FAM174A: variants seen among roughly 807,000 people sequenced by gnomAD.
FAM174A encodes the protein membrane protein FAM174A.
In FAM174A, 14 loss-of-function variants were observed where a neutral mutation model predicts 14.3. The observed-to-expected ratio is 0.98, with a 90% CI of 0.65 to 1.53. The LOEUF (loss-of-function observed/expected upper bound fraction) is 1.53, where lower values mean the gene tolerates loss of function less well. Ranked by LOEUF, FAM174A falls within the 40% of genes most tolerant of loss-of-function variation. The probability of loss-of-function intolerance (pLI) is 0.00; values close to 1 mark genes in which losing one functional copy is unlikely to be tolerated. For synonymous variants in FAM174A, 108 were observed against 111.4 expected (o/e 0.97, Z 0.19); for missense variants, 241 against 249.6 (o/e 0.97, Z 0.23).
intron 2 of FAM174A, among the ~76,000 whole-genome samples, chr5:100,569,292 AAT>A (rs1200692439): frequency 6.6e-6 from 1 of 151,842 alleles, no homozygotes; most frequent in Non-Finnish European, 1.5e-5. Flanking sequence ...TTATAATCAC[AAT>A]AGAGTAATAT....
At chr5:100,561,557 G>A (rs1241296608) in intron 1 of FAM174A, among the ~76,000 whole-genome samples, 1 of 151,814 alleles carries the variant, frequency 6.6e-6, no homozygotes, top group Non-Finnish European at 1.5e-5. Flanking sequence ...CCTAAACATG[G>A]GACTTTAAAA....
At chr5:100,560,585 C>T (rs1254693537) in intron 1 of FAM174A, among the ~76,000 whole-genome samples, 1 of 151,968 alleles carries the variant, frequency 6.6e-6, no homozygotes, top group African/African-American at 2.4e-5. Flanking sequence ...TGAGACCAGG[C>T]ACTTTACACC....
chr5:100,561,903 A>T (rs1746530139), intron 1 of FAM174A, 151 bp from the exon 2 acceptor site: 3 of 442,578 alleles, frequency 6.8e-6, no homozygotes, highest in Non-Finnish European at 3.9e-6. Context: ...ATGAAGTTTA[A>T]TCCTAGGTGG....
At chr5:100,572,239 T>C (rs1437715070) in intron 2 of FAM174A, among the ~76,000 whole-genome samples, 1 of 151,428 alleles carries the variant, frequency 6.6e-6, no homozygotes, top group Non-Finnish European at 1.5e-5. Context: ...ATATCTTTTT[T>C]TTTTTTACGT....
chr5:100,567,694 C>T (rs1165425437), intron 2 of FAM174A, among the ~76,000 whole-genome samples: 1 of 149,418 alleles, frequency 6.7e-6, no homozygotes, highest in Non-Finnish European at 1.5e-5. Context: ...ATTCATCCCT[C>T]TCATTTTGTA....
rs7711975 is a variant in FAM174A at position 100,555,821 on chromosome 5, C to T, written c.435-6233C>T. Among the ~76,000 whole-genome samples the T allele has an allele frequency of 8.3e-3, 1,255 of 151,756 alleles. 14 individuals are homozygous for T. Among genetic ancestry groups the T allele is most frequent in the African/African-American group, 0.029 (1,195 of 41,350 alleles). ...TCTTTGAGTTTTTTTCTTTTGAGTT[C>T]ATTGTGGATTCTAGATATTAGCCCT... On this transcript the variant is annotated intron_variant, in intron 1 of 2. Transcript: ENST00000312637.
At chr5:100,560,961 A>G (rs894509882) in intron 1 of FAM174A, among the ~76,000 whole-genome samples, 1 of 151,978 alleles carries the variant, frequency 6.6e-6, no homozygotes, top group Admixed American at 6.6e-5. Flanking sequence ...ACCCTCAACA[A>G]TTAATTGAAG....
intron 1 of FAM174A, among the ~76,000 whole-genome samples, chr5:100,537,331 A>G (rs899142704): frequency 4.6e-5 from 7 of 152,178 alleles, no homozygotes; most frequent in Non-Finnish European, 7.4e-5. Flanking sequence ...ATTGGAAATA[A>G]GAATCTAAAT....
intron 1 of FAM174A, among the ~76,000 whole-genome samples, chr5:100,556,205 TC>T (rs1444648440): frequency 6.6e-6 from 1 of 152,208 alleles, no homozygotes; most frequent in Non-Finnish European, 1.5e-5. Flanking sequence ...AGGGATCCTT[TC>T]CCCATTTCTT....
intron 2 of FAM174A, among the ~76,000 whole-genome samples, chr5:100,574,978 C>T (rs1746871788): frequency 6.6e-6 from 1 of 152,094 alleles, no homozygotes; most frequent in African/African-American, 2.4e-5. Flanking sequence ...TCCTATTGTT[C>T]TCATTTGAAA....
At chr5:100,542,465 A>G (rs1746076905) in intron 1 of FAM174A, among the ~76,000 whole-genome samples, 1 of 152,140 alleles carries the variant, frequency 6.6e-6, no homozygotes, top group South Asian at 2.1e-4. Context: ...TCTTGACTAT[A>G]TTGCTGCTTT....
intron 1 of FAM174A, among the ~76,000 whole-genome samples, chr5:100,561,393 C>T (rs1213323566): frequency 6.6e-6 from 1 of 151,892 alleles, no homozygotes; most frequent in African/African-American, 2.4e-5. Context: ...CTCGTAACTT[C>T]CTAGGTGACT....
At chr5:100,565,861 C>T (rs909756769) in intron 2 of FAM174A, among the ~76,000 whole-genome samples, 2 of 151,540 alleles carry the variant, frequency 1.3e-5, no homozygotes, top group East Asian at 3.9e-4. Context: ...GGAGGCCTCA[C>T]AATCATGGCA....
rs778289280 is a variant in FAM174A at position 100,535,634 on chromosome 5, A to C, written c.104A>C (p.Gln35Pro). ...AGCGGGCCCCTGGCAGTCCTGCTGC[A>C]GGCAGCCGAGGCCGCGCCAGGTCTT... is the stretch of plus-strand genomic sequence containing the variant. ...ELSGPLAVLL[Q>P]AAEAAPGLGP... Residue 35 changes from glutamine (Q) to proline (P), a missense_variant, in exon 1 of 3, where the codon CAG (glutamine) becomes CCG (proline). Gln to Pro is a moderately conservative substitution (Grantham distance 76). Transcript: ENST00000312637. 1 of 1,612,972 alleles carries C rather than the reference A, an allele frequency of 6.2e-7. No individual in the cohort carries two copies. Among genetic ancestry groups the C allele is most frequent in the Non-Finnish European group, 8.5e-7 (1 of 1,179,914 alleles).
chr5:100,572,095 T>A (rs964982506), intron 2 of FAM174A, among the ~76,000 whole-genome samples: 2 of 152,092 alleles, frequency 1.3e-5, no homozygotes, highest in African/African-American at 4.8e-5. Context: ...AGAAGTACTT[T>A]AAAATATTAT....
chr5:100,577,553 G>A (rs1014710088), intron 2 of FAM174A, among the ~76,000 whole-genome samples: 4 of 151,986 alleles, frequency 2.6e-5, no homozygotes, highest in African/African-American at 4.8e-5. Context: ...AGAAATCCTC[G>A]TTAAGAATAT....
intron 2 of FAM174A, chr5:100,581,469 A>G (rs1439418010): frequency 1.4e-5 from 11 of 805,606 alleles, no homozygotes; most frequent in African/African-American, 1.9e-5. Flanking sequence ...AGAGCCTATG[A>G]AGGCCCAGCA....
At chr5:100,554,775 A>G (rs1053639749) in intron 1 of FAM174A, among the ~76,000 whole-genome samples, 2 of 152,092 alleles carry the variant, frequency 1.3e-5, no homozygotes, top group African/African-American at 4.8e-5. Flanking sequence ...TGGTTTATCT[A>G]TCTGTCTATC....
At chr5:100,568,234 G>A (rs1474712865) in intron 2 of FAM174A, among the ~76,000 whole-genome samples, 2 of 151,712 alleles carry the variant, frequency 1.3e-5, no homozygotes, top group South Asian at 2.1e-4. Flanking sequence ...CAGTGGGAGC[G>A]TCTTCAAAAT....
Sources: gnomAD v4.1 joint callset for allele counts (sites outside exome capture counted in the v4.1 genomes callset) on GRCh38, gnomAD v4.1.1 for gene constraint, MANE v1.5 for transcripts, NCBI Gene and HGNC (gene_info 2026-07-23, HGNC 2026-07-21) for gene names.